Variants in PACSIN2 observed in about 807,000 individuals in gnomAD.
PACSIN2 encodes protein kinase C and casein kinase substrate in neurons protein 2.
A neutral mutation model predicts 63.8 loss-of-function variants in PACSIN2; 25 were observed. The observed-to-expected ratio is 0.39, with a 90% CI of 0.29 to 0.55. The LOEUF is 0.55. Among genes scored for constraint, PACSIN2 ranks in the 20% least tolerant of loss-of-function variants. The pLI is 0.62. For synonymous variants in PACSIN2, 255 were observed against 256.2 expected (o/e 1.00, Z 0.05); for missense variants, 518 against 646.9 (o/e 0.80, Z 2.16).
At chr22:42,934,455 C>T (rs1450429547) in intron 1 of PACSIN2, among the ~76,000 whole-genome samples, 1 of 152,260 alleles carries the variant, frequency 6.6e-6, no homozygotes, top group African/African-American at 2.4e-5. Flanking sequence ...CACTTGCACA[C>T]CTTTCAATGT....
chr22:42,988,948 T>G (rs997677744), intron 1 of PACSIN2, among the ~76,000 whole-genome samples: 6 of 152,118 alleles, frequency 3.9e-5, no homozygotes, highest in Non-Finnish European at 8.8e-5. Context: ...GGCGCAATCA[T>G]GGCTCACTGC....
At position 42,966,198 on chromosome 22, in the gene PACSIN2, C is replaced by T. The variant is rs766838768; in HGVS notation, c.-78+48823G>A. 1.8e-4 allele frequency among the ~76,000 whole-genome samples: 27 copies of T among 152,166 alleles called. 1 individual carries two copies. In the Middle Eastern group the frequency reaches 0.01, roughly 58 times the overall value. ...CATCTTGGCCAAAATGGTGAAACCCCGTCTCTTTGAAAAATACAAAAATTA... is the reference window on the plus strand; with the variant it reads ...CATCTTGGCCAAAATGGTGAAACCCTGTCTCTTTGAAAAATACAAAAATTA... On this transcript the variant is annotated intron_variant, in intron 1 of 10. Transcript: ENST00000263246.
At chr22:43,013,030 G>A (rs186676874) in intron 1 of PACSIN2, among the ~76,000 whole-genome samples, 1 of 152,158 alleles carries the variant, frequency 6.6e-6, no homozygotes, top group Non-Finnish European at 1.5e-5. Flanking sequence ...GACCTCAGGT[G>A]ATCTGCCCGC....
intron 1 of PACSIN2, among the ~76,000 whole-genome samples, chr22:43,014,593 A>C (rs1163288773): frequency 6.6e-6 from 1 of 151,132 alleles, no homozygotes; most frequent in Non-Finnish European, 1.5e-5. Flanking sequence ...TTTCTCCTAA[A>C]TCGCGTCCCT....
Position 42,985,667 on chromosome 22 carries a change from C to T in PACSIN2, c.-78+29354G>A, listed in dbSNP as rs1287309517. ...CCCCTCCAACAGACACACACACAGA[C>T]ACATTCACATGTCATCCAGCTCCAG... On this transcript the variant is annotated intron_variant, in intron 1 of 10. Coordinates refer to ENST00000263246, the MANE Select transcript of PACSIN2 (RefSeq NM_001184970.3). 2.0e-5 allele frequency among the ~76,000 whole-genome samples: 3 copies of T among 152,218 alleles called. No homozygotes were observed. The East Asian group carries it at 5.8e-4, about 29-fold the overall frequency.
intron 1 of PACSIN2, among the ~76,000 whole-genome samples, chr22:42,933,706 T>G (rs2146781646): frequency 6.6e-6 from 1 of 152,332 alleles, no homozygotes; most frequent in African/African-American, 2.4e-5. Flanking sequence ...TGCACCGTCC[T>G]TCACAGAACC....
rs1299105043 is a variant in PACSIN2, at chr22:42,869,845, A to G, written c.*1512T>C. The stretch of plus-strand genomic sequence containing the variant: ...TGTAAAGGAACTGTTAAACTGAAAA[A>G]GACTTGACAATTTTTGGTAAATCCG... On this transcript the variant is annotated 3_prime_UTR_variant, in exon 11 of 11. Transcript: ENST00000263246. 2 of 152,384 alleles carry G rather than the reference A, an allele frequency of 1.3e-5. No individual in the cohort carries two copies. The highest frequency in any genetic ancestry group is 2.4e-5 in the African/African-American group (1 of 41,468). 9.4% of individuals were successfully genotyped at this position (152,384 alleles called of 1,614,324 possible).
chr22:42,945,096 C>CA lies in PACSIN2; in HGVS notation c.-77-32940dup, dbSNP rs11340938. Among the ~76,000 whole-genome samples, 1,019 of 137,670 alleles carry CA rather than the reference C, an allele frequency of 7.4e-3. 10 individuals carry two copies. The highest frequency in any genetic ancestry group is 0.024 in the African/African-American group (892 of 37,440). The allele number at this position is 137,670 out of a possible 152,430, so 90.3% of individuals were successfully genotyped here. On this transcript the variant is annotated intron_variant, in intron 1 of 10. Coordinates refer to ENST00000263246, the MANE Select transcript of PACSIN2 (RefSeq NM_001184970.3). ...CTGGACGACAGGGCAAGACTCGTCT[C>CA]AAAAAAAAAAAAAAAGAGGCAAGGG...
chr22:42,948,292 G>T (rs1423360164), intron 1 of PACSIN2, among the ~76,000 whole-genome samples: 2 of 152,156 alleles, frequency 1.3e-5, no homozygotes, highest in Admixed American at 1.3e-4. Context: ...TCCACCACAA[G>T]AGTGACTTCT....
At chr22:42,937,511 C>T (rs1932964288) in intron 1 of PACSIN2, among the ~76,000 whole-genome samples, 2 of 152,122 alleles carry the variant, frequency 1.3e-5, no homozygotes, top group Admixed American at 1.3e-4. Context: ...ACCTCTGAGC[C>T]CCTGCCTAGA....
intron 1 of PACSIN2, among the ~76,000 whole-genome samples, chr22:42,999,890 C>G (rs535900492): frequency 6.6e-6 from 1 of 152,332 alleles, no homozygotes; most frequent in South Asian, 2.1e-4. Flanking sequence ...AGTCCCAAGG[C>G]AAGATGGTTG....
At chr22:42,929,814 G>A (rs937022999) in intron 1 of PACSIN2, among the ~76,000 whole-genome samples, 1 of 152,178 alleles carries the variant, frequency 6.6e-6, no homozygotes, top group Non-Finnish European at 1.5e-5. Context: ...CCTCCCAGAT[G>A]AGTGTCAAGA....
intron 4 of PACSIN2, among the ~76,000 whole-genome samples, chr22:42,890,034 CCT>C (rs944953902): frequency 6.7e-6 from 1 of 149,900 alleles, no homozygotes; most frequent in Non-Finnish European, 1.5e-5. Flanking sequence ...ACAGAGTCTC[CCT>C]CTGTCACCAG....
intron 1 of PACSIN2, among the ~76,000 whole-genome samples, chr22:42,963,932 T>C (rs1187970088): frequency 1.1e-5 from 1 of 90,388 alleles, no homozygotes; most frequent in East Asian, 5.0e-4. Context: ...TGAGATATAA[T>C]TCACGTCACA....
intron 2 of PACSIN2, among the ~76,000 whole-genome samples, chr22:42,906,702 G>A (rs912554171): frequency 6.6e-6 from 1 of 152,146 alleles, no homozygotes; most frequent in Non-Finnish European, 1.5e-5. Flanking sequence ...CTGAAGAGCA[G>A]GCTGCAGCAG....
chr22:42,998,908 G>A (rs1396012224), intron 1 of PACSIN2, among the ~76,000 whole-genome samples: 2 of 152,026 alleles, frequency 1.3e-5, no homozygotes, highest in Non-Finnish European at 2.9e-5. Flanking sequence ...AGAGGAGATC[G>A]GCTGCAGAAT....
intron 1 of PACSIN2, among the ~76,000 whole-genome samples, chr22:43,009,012 A>G (rs1924279232): frequency 4.1e-5 from 1 of 24,526 alleles, no homozygotes; most frequent in South Asian, 1.4e-3. Context: ...CACATACAGA[A>G]AAGGTGTTTA....
intron 2 of PACSIN2, among the ~76,000 whole-genome samples, chr22:42,906,633 G>C (rs962846839): frequency 6.6e-6 from 1 of 152,144 alleles, no homozygotes; most frequent in African/African-American, 2.4e-5. Context: ...TTTCTCACTG[G>C]CTTAGAAGGA....
At chr22:42,949,490 A>G (rs1288492524) in intron 1 of PACSIN2, among the ~76,000 whole-genome samples, 1 of 152,194 alleles carries the variant, frequency 6.6e-6, no homozygotes, top group African/African-American at 2.4e-5. Context: ...ACATTTTGTG[A>G]TGCTAGCTGC....
Sources: gnomAD v4.1 joint callset for allele counts (sites outside exome capture counted in the v4.1 genomes callset) on GRCh38, gnomAD v4.1.1 for gene constraint, MANE v1.5 for transcripts, NCBI Gene and HGNC (gene_info 2026-07-23, HGNC 2026-07-21) for gene names.